The following CTNNA3 variants were observed in gnomAD, a reference collection of about 807,000 sequenced individuals.
CTNNA3 encodes catenin alpha-3.
In CTNNA3, 76 loss-of-function variants were observed where a neutral mutation model predicts 95.7. The ratio of observed to expected loss-of-function variants is 0.79; its 90% confidence interval spans 0.66 to 0.96. The LOEUF is 0.96. Ranked by LOEUF, CTNNA3 falls within the 40% of genes least tolerant of loss-of-function variation. The pLI, the probability that CTNNA3 is intolerant of heterozygous loss-of-function variation, is 0.00. For missense variants in CTNNA3, 1,191 were observed against 1,089.8 expected, an observed-to-expected ratio of 1.09 and a Z score of -1.31; for synonymous variants, 431 against 374.4, an observed-to-expected ratio of 1.15 and a Z score of -1.74.
intron 5 of CTNNA3, among the ~76,000 whole-genome samples, chr10:67,368,787 A>G (rs1843309257): frequency 6.6e-6 from 1 of 152,232 alleles, no homozygotes; most frequent in African/African-American, 2.4e-5. Flanking sequence ...TTCCATGTCT[A>G]TAAAATTCCA....
chr10:66,938,679 G>C (rs1008329683), intron 7 of CTNNA3, among the ~76,000 whole-genome samples: 2 of 152,036 alleles, frequency 1.3e-5, no homozygotes, highest in Non-Finnish European at 2.9e-5. Flanking sequence ...GTATTCTTAG[G>C]AAAATACAGT....
intron 1 of CTNNA3, among the ~76,000 whole-genome samples, chr10:67,717,904 T>C (rs1252298882): frequency 1.3e-5 from 2 of 152,212 alleles, no homozygotes; most frequent in African/African-American, 2.4e-5. Flanking sequence ...TAAATTACTT[T>C]GGGCAGTATG....
At chr10:67,479,193 T>C (rs1457522316) in intron 5 of CTNNA3, among the ~76,000 whole-genome samples, 1 of 152,138 alleles carries the variant, frequency 6.6e-6, no homozygotes, top group Non-Finnish European at 1.5e-5. Context: ...GGCAGATCAC[T>C]GAGGCACCAA....
chr10:66,136,968 C>T (rs946259178), intron 13 of CTNNA3, among the ~76,000 whole-genome samples: 6 of 152,010 alleles, frequency 3.9e-5, no homozygotes, highest in East Asian at 3.9e-4. Context: ...ATTACAGGTG[C>T]GTGCCACCAT....
At chr10:67,151,856 C>T (rs934822216) in intron 7 of CTNNA3, among the ~76,000 whole-genome samples, 3 of 152,186 alleles carry the variant, frequency 2.0e-5, no homozygotes, top group African/African-American at 7.2e-5. Flanking sequence ...CCATTAAAAA[C>T]TCTTGTTCTT....
At chr10:66,395,787 A>C (rs533270655) in intron 11 of CTNNA3, among the ~76,000 whole-genome samples, 1 of 151,996 alleles carries the variant, frequency 6.6e-6, no homozygotes, top group East Asian at 1.9e-4. Flanking sequence ...TACTCTCTGT[A>C]ATTTTTATTT....
At position 66,839,462 on chromosome 10, in the gene CTNNA3, T is replaced by G. The variant is rs548151879; in HGVS notation, c.1048-63938A>C. On this transcript the variant is annotated intron_variant, in intron 7 of 17. Coordinates refer to ENST00000433211, the MANE Select transcript of CTNNA3 (RefSeq NM_013266.4). Reference sequence around the variant, plus strand: ...TAAAAGTATACAGAATTACTAACCATGCAACCTAGTGAAATACAATCCAAT... The same window carrying G: ...TAAAAGTATACAGAATTACTAACCAGGCAACCTAGTGAAATACAATCCAAT... Among the ~76,000 whole-genome samples, 3 of 152,228 alleles carry G rather than the reference T, an allele frequency of 2.0e-5. No individual in the cohort carries two copies. In the South Asian group the frequency reaches 6.2e-4, roughly 32 times the overall value.
intron 10 of CTNNA3, among the ~76,000 whole-genome samples, chr10:66,532,189 G>A (rs753430743): frequency 2.1e-4 from 32 of 152,194 alleles, no homozygotes; most frequent in Admixed American, 6.5e-4. Flanking sequence ...AAGGCCTGGC[G>A]CAGTGGCTCA....
intron 7 of CTNNA3, among the ~76,000 whole-genome samples, chr10:66,969,945 A>T (rs1307082486): frequency 6.6e-6 from 1 of 152,132 alleles, no homozygotes; most frequent in Non-Finnish European, 1.5e-5. Flanking sequence ...CTACATGAAC[A>T]TGAGAGTAAC....
intron 5 of CTNNA3, among the ~76,000 whole-genome samples, chr10:67,375,744 A>G (rs1843663475): frequency 6.6e-6 from 1 of 152,204 alleles, no homozygotes; most frequent in Non-Finnish European, 1.5e-5. Context: ...GTCAATGACT[A>G]TCATATATTA....
At chr10:67,580,984 T>C (rs1276427907) in intron 3 of CTNNA3, among the ~76,000 whole-genome samples, 1 of 152,190 alleles carries the variant, frequency 6.6e-6, no homozygotes, top group Admixed American at 6.5e-5. Context: ...TTTCTAGATA[T>C]ACAATCATGT....
At chr10:67,368,104 G>A (rs35840945) in intron 5 of CTNNA3, among the ~76,000 whole-genome samples, 1,578 of 152,122 alleles carry the variant, frequency 0.01, 15 homozygotes, top group Non-Finnish European at 0.017. Context: ...ACCACGGAAT[G>A]GGAGAAAATA....
intron 10 of CTNNA3, among the ~76,000 whole-genome samples, chr10:66,573,593 T>C (rs1327462673): frequency 6.6e-6 from 1 of 152,156 alleles, no homozygotes; most frequent in Non-Finnish European, 1.5e-5. Flanking sequence ...TTCTATTGAA[T>C]TGCCTATTCA....
chr10:67,052,313 ACTCTCTCTCTCTCTCTCTCTCT>A (rs3841706), intron 7 of CTNNA3, among the ~76,000 whole-genome samples: 1 of 121,070 alleles, frequency 8.3e-6, no homozygotes, highest in Non-Finnish European at 1.7e-5. Context: ...CCCACTCATC[ACTCTCTCTCTCTCTCTCTCTCT>A]CTCTCTCTCT....
At chr10:66,861,675 A>C (rs974996068) in intron 7 of CTNNA3, among the ~76,000 whole-genome samples, 1 of 152,206 alleles carries the variant, frequency 6.6e-6, no homozygotes, top group African/African-American at 2.4e-5. Context: ...GTGCTTACTG[A>C]GCCCATCATA....
intron 7 of CTNNA3, among the ~76,000 whole-genome samples, chr10:66,977,889 G>A (rs924444581): frequency 2.0e-5 from 3 of 152,086 alleles, no homozygotes; most frequent in Non-Finnish European, 4.4e-5. Flanking sequence ...ATACAAAATA[G>A]TTTATAAATG....
chr10:66,887,983 G>A (rs1845107705), intron 7 of CTNNA3, among the ~76,000 whole-genome samples: 1 of 152,154 alleles, frequency 6.6e-6, no homozygotes, highest in Non-Finnish European at 1.5e-5. Context: ...AAAGGACTGT[G>A]CAGATGTGAC....
intron 5 of CTNNA3, among the ~76,000 whole-genome samples, chr10:67,239,127 A>C (rs1865616835): frequency 6.6e-6 from 1 of 152,214 alleles, no homozygotes; most frequent in African/African-American, 2.4e-5. Flanking sequence ...AATGGTAGTG[A>C]GGCCGTTGGT....
At chr10:66,752,245 A>G (rs1015237351) in intron 9 of CTNNA3, among the ~76,000 whole-genome samples, 3 of 152,282 alleles carry the variant, frequency 2.0e-5, no homozygotes, top group Middle Eastern at 3.4e-3. Flanking sequence ...TGGTAGACAC[A>G]TAGATCAATG....
Sources: allele counts gnomAD v4.1 joint callset (sites outside exome capture counted in the v4.1 genomes callset), GRCh38; gene constraint gnomAD v4.1.1; transcripts MANE v1.5; gene names NCBI Gene and HGNC (gene_info 2026-07-23, HGNC 2026-07-21).